Variants in NRG1 observed in about 807,000 individuals in gnomAD.
The protein encoded by NRG1 is pro-neuregulin-1, membrane-bound isoform.
In NRG1, 18 loss-of-function variants were observed where a neutral mutation model predicts 63.8. The ratio of observed to expected loss-of-function variants is 0.28; its 90% confidence interval spans 0.19 to 0.42. NRG1 has a LOEUF of 0.42. NRG1 is among the 10% of genes least tolerant of loss of function. The pLI is 1.00. For missense variants in NRG1, 762 were observed against 814.7 expected, an observed-to-expected ratio of 0.94 and a Z score of 0.79; for synonymous variants, 302 against 301.3, an observed-to-expected ratio of 1.00 and a Z score of -0.02.
At chr8:32,020,198 T>G (rs1255168888) in intron 1 of NRG1, among the ~76,000 whole-genome samples, 1 of 152,236 alleles carries the variant, frequency 6.6e-6, no homozygotes, top group Non-Finnish European at 1.5e-5. Flanking sequence ...GTGTTCTATT[T>G]TGGAATAGAT....
At chr8:32,524,500 T>C (rs1029112705) in intron 1 of NRG1, among the ~76,000 whole-genome samples, 2 of 151,788 alleles carry the variant, frequency 1.3e-5, no homozygotes, top group African/African-American at 4.8e-5. Flanking sequence ...TTAAAGATTT[T>C]TTTTTTCTAT....
Position 32,152,825 on chromosome 8 carries a change from T to G in NRG1, c.38-443003T>G, listed in dbSNP as rs111406707. ...ATTAGATAAAAACCTGTGTATCCCC[T>G]TTCTTAGTAAATTTGCCTGCTGTGA... On this transcript the variant is annotated intron_variant, in intron 1 of 10. Coordinates refer to the NRG1 transcript ENST00000519301. 6.5e-3 allele frequency among the ~76,000 whole-genome samples: 993 copies of G among 152,316 alleles called. 7 individuals are homozygous for G. Among genetic ancestry groups the G allele is most frequent in the African/African-American group, 0.022 (901 of 41,568 alleles).
intron 1 of NRG1, among the ~76,000 whole-genome samples, chr8:31,910,470 T>A (rs531528344): frequency 6.6e-6 from 1 of 152,124 alleles, no homozygotes; most frequent in African/African-American, 2.4e-5. Context: ...CTATTTTATA[T>A]GAGTGGAAGA....
intron 5 of NRG1, among the ~76,000 whole-genome samples, chr8:32,685,995 C>G (rs1174165988): frequency 6.6e-6 from 1 of 152,204 alleles, no homozygotes; most frequent in Admixed American, 6.5e-5. Context: ...TTTTGATACC[C>G]TATCTCCAGA....
At chr8:31,858,298 CAA>C (rs768034922) in intron 1 of NRG1, among the ~76,000 whole-genome samples, 1 of 116,084 alleles carries the variant, frequency 8.6e-6, no homozygotes, top group Non-Finnish European at 1.8e-5. Context: ...GACTCCGTCT[CAA>C]AAAAAAAAAA....
chr8:31,999,281 G>T (rs1812536054), intron 1 of NRG1, among the ~76,000 whole-genome samples: 1 of 151,928 alleles, frequency 6.6e-6, no homozygotes, highest in Non-Finnish European at 1.5e-5. Flanking sequence ...TTATGATTAA[G>T]AATTTAATGA....
rs1554609373 is a variant in NRG1 at position 32,042,961 on chromosome 8, A to AGAGTGTGTGTGTGT, written c.37+403531_37+403532insAGTGTGTGTGTGTG. Among the ~76,000 whole-genome samples, 8 of 140,008 alleles carry AGAGTGTGTGTGTGT rather than the reference A, an allele frequency of 5.7e-5. No homozygotes were observed. In the East Asian group the frequency reaches 1.7e-3, roughly 30 times the overall value. 91.9% of individuals were successfully genotyped at this position (140,008 alleles called of 152,430 possible). A position where few individuals can be genotyped will look rare whatever the true frequency, so the allele number is the denominator to read the frequency against. On this transcript the variant is annotated intron_variant, in intron 1 of 10. Transcript: ENST00000519301. ...AAATCCAGAAAGGTAGAAAGAGTGC[A>AGAGTGTGTGTGTGT]GTGTGTGTGTGTGTGTGTGTGTGTG...
intron 1 of NRG1, among the ~76,000 whole-genome samples, chr8:32,288,151 GGAGA>G (rs146360274): frequency 7.9e-4 from 119 of 150,472 alleles, no homozygotes; most frequent in Non-Finnish European, 1.4e-3. Flanking sequence ...AAGACAGATA[GGAGA>G]GAGAGAGAGA....
intron 1 of NRG1, among the ~76,000 whole-genome samples, chr8:32,130,181 T>C (rs1385618721): frequency 6.6e-6 from 1 of 151,948 alleles, no homozygotes; most frequent in Non-Finnish European, 1.5e-5. Flanking sequence ...CATTTGTCCA[T>C]TGATGTCTTT....
rs1822892656 is a variant in NRG1, at chr8:32,728,728, C to A, written c.632+650C>A. On this transcript the variant is annotated intron_variant, in intron 6 of 11. Transcript: ENST00000356819. ...GTCTATAGATATATCTAGAATAGCACTGTCTTTCCAATGACCTGAAGGAGT... is the reference window on the plus strand; with the variant it reads ...GTCTATAGATATATCTAGAATAGCAATGTCTTTCCAATGACCTGAAGGAGT... The A allele has an allele frequency of 3.4e-6, 3 of 875,242 alleles. No homozygotes were observed. The South Asian group carries it at 1.6e-4, about 46-fold the overall frequency. The allele number at this position is 875,242 out of a possible 1,614,324, so 54.2% of individuals were successfully genotyped here. A position where few individuals can be genotyped will look rare whatever the true frequency, so the allele number is the denominator to read the frequency against.
At chr8:32,484,034 CGGAG>C (rs1240759708) in intron 1 of NRG1, among the ~76,000 whole-genome samples, 5 of 151,096 alleles carry the variant, frequency 3.3e-5, no homozygotes, top group African/African-American at 1.2e-4. Context: ...ACCCAGGAGG[CGGAG>C]CTTGCAGTGA....
At chr8:32,273,378 G>A (rs183116212) in intron 1 of NRG1, among the ~76,000 whole-genome samples, 2 of 152,198 alleles carry the variant, frequency 1.3e-5, no homozygotes. Context: ...AAAAATGTCA[G>A]GATATCTTCC....
intron 1 of NRG1, among the ~76,000 whole-genome samples, chr8:32,086,700 A>T (rs1393007008): frequency 6.6e-6 from 1 of 152,210 alleles, no homozygotes; most frequent in Non-Finnish European, 1.5e-5. Flanking sequence ...GATTAGGAAC[A>T]TTCAGGCATG....
intron 1 of NRG1, among the ~76,000 whole-genome samples, chr8:32,502,684 A>G (rs1470900661): frequency 6.6e-6 from 1 of 151,854 alleles, no homozygotes; most frequent in East Asian, 2.0e-4. Context: ...TAACAAAAAC[A>G]CATCTCACTC....
chr8:32,121,211 T>TTTTTG (rs1369824537), intron 1 of NRG1, among the ~76,000 whole-genome samples: 3 of 151,988 alleles, frequency 2.0e-5, no homozygotes, highest in East Asian at 1.9e-4. Context: ...ACAGCTAAGG[T>TTTTTG]TTTTGTTTTG....
At chr8:32,380,591 C>G (rs1426658297) in intron 1 of NRG1, among the ~76,000 whole-genome samples, 1 of 152,070 alleles carries the variant, frequency 6.6e-6, no homozygotes, top group East Asian at 1.9e-4. Flanking sequence ...CAATCCTGGT[C>G]CACCTCCCCT....
chr8:32,496,846 A>G lies in NRG1; in HGVS notation c.38-98982A>G, dbSNP rs548875611. Among the ~76,000 whole-genome samples the G allele has an allele frequency of 4.6e-5, 7 of 152,306 alleles. No individual in the cohort carries two copies. The South Asian group carries it at 1.5e-3, about 32-fold the overall frequency. ...CTGTCTATATTAGAAATTAAATTAT[A>G]TTTAGTATTTAAGCAATACATGCAT... On this transcript the variant is annotated intron_variant, in intron 1 of 10. Transcript: ENST00000519301.
At chr8:31,684,857 T>TA (rs549425102) in intron 1 of NRG1, among the ~76,000 whole-genome samples, 266 of 147,384 alleles carry the variant, frequency 1.8e-3, no homozygotes, top group Middle Eastern at 6.9e-3. Context: ...ATGGCTAAGT[T>TA]AAAAAAAAAA....
At chr8:31,768,808 A>G (rs892543485) in intron 1 of NRG1, among the ~76,000 whole-genome samples, 1 of 152,196 alleles carries the variant, frequency 6.6e-6, no homozygotes, top group Non-Finnish European at 1.5e-5. Flanking sequence ...AGCACAAATA[A>G]TATCTCAGTG....
Sources: gnomAD v4.1 joint callset for allele counts (sites outside exome capture counted in the v4.1 genomes callset) on GRCh38, gnomAD v4.1.1 for gene constraint, MANE v1.5 for transcripts, NCBI Gene and HGNC (gene_info 2026-07-23, HGNC 2026-07-21) for gene names.